Variants in DLG5 observed in about 807,000 individuals in gnomAD.
The protein encoded by DLG5 is disks large homolog 5.
DLG5 carries 48 observed loss-of-function variants against 189.8 expected under a neutral mutation model. The observed-to-expected ratio is 0.25, with a 90% confidence interval of 0.20 to 0.32. The LOEUF is 0.32. Ranked by LOEUF, DLG5 falls within the 10% of genes least tolerant of loss-of-function variation. DLG5 has a pLI of 1.00. For synonymous variants in DLG5, 1,016 were observed against 1,054.1 expected (o/e 0.96, Z 0.70); for missense variants, 2,160 against 2,544.7 (o/e 0.85, Z 3.25).
the DLG5 span, among the ~76,000 whole-genome samples, chr10:77,939,889 A>C: frequency 1.3e-5 from 2 of 152,158 alleles, no homozygotes; most frequent in Non-Finnish European, 2.9e-5. Context: ...GGCCATGAAG[A>C]CCTCTGAGAC....
intron 15 of DLG5, 171 bp from the exon 16 acceptor site, chr10:77,820,189 T>C: frequency 1.2e-6 from 1 of 843,990 alleles, no homozygotes; most frequent in South Asian, 1.8e-5. Flanking sequence ...CTACCAAAAA[T>C]ACAAAAATTA....
intron 1 of DLG5, among the ~76,000 whole-genome samples, chr10:77,917,560 C>T (rs1278208436): frequency 6.7e-6 from 1 of 149,926 alleles, no homozygotes; most frequent in Non-Finnish European, 1.5e-5. Flanking sequence ...GAGAGAAAGA[C>T]AGCAAGAAAG....
intron 24 of DLG5, 159 bp from the exon 25 acceptor site, chr10:77,808,103 G>T: frequency 1.2e-6 from 1 of 862,022 alleles, no homozygotes; most frequent in Non-Finnish European, 1.7e-6. Flanking sequence ...AGTCTTCATG[G>T]TCTCCCCAGT....
chr10:77,921,488 C>T (rs981084289), intron 1 of DLG5, among the ~76,000 whole-genome samples: 1 of 152,216 alleles, frequency 6.6e-6, no homozygotes, highest in African/African-American at 2.4e-5. Context: ...GTGTACAATG[C>T]CTAAATTCAA....
intron 1 of DLG5, among the ~76,000 whole-genome samples, chr10:77,912,958 A>G (rs1846265548): frequency 1.3e-5 from 2 of 152,224 alleles, no homozygotes; most frequent in South Asian, 4.1e-4. Flanking sequence ...AGGAGCCTCA[A>G]GAAGGCCACA....
At chr10:77,901,686 G>A (rs1021540536) in intron 1 of DLG5, among the ~76,000 whole-genome samples, 2 of 152,222 alleles carry the variant, frequency 1.3e-5, no homozygotes, top group African/African-American at 4.8e-5. Context: ...ACAGGATGCA[G>A]CAACCCCTGG....
chr10:77,826,988 C>T (rs1330978682), intron 13 of DLG5, among the ~76,000 whole-genome samples: 2 of 152,080 alleles, frequency 1.3e-5, no homozygotes, highest in African/African-American at 4.8e-5. Flanking sequence ...GCAAGATGAG[C>T]AACTGAGTAT....
At chr10:77,832,428 G>A (rs974013658) in intron 9 of DLG5, among the ~76,000 whole-genome samples, 13 of 152,216 alleles carry the variant, frequency 8.5e-5, no homozygotes, top group African/African-American at 2.7e-4. Context: ...CCCCAGGGCC[G>A]CACCTTTGCC....
intron 7 of DLG5, among the ~76,000 whole-genome samples, chr10:77,836,455 C>T (rs1444420799): frequency 1.3e-5 from 2 of 152,146 alleles, no homozygotes; most frequent in Non-Finnish European, 2.9e-5. Context: ...AGCACGACAG[C>T]AGAGGCGCTG....
In DLG5 at chr10:77,819,330, A is replaced by T; in HGVS notation, c.3662T>A (p.Leu1221Ter). Residue 1221 changes from leucine to a stop codon, truncating the protein, a stop_gained, in exon 17 of 32, where the codon TTG becomes TAG. Coordinates refer to ENST00000372391, the MANE Select transcript of DLG5 (RefSeq NM_004747.4). LOFTEE classifies it high-confidence loss of function. ...GGGTGCCTTCACATACCTGGGATGC[A>T]AACCCTGGGGGCCAGCATCTCGGGC... is the stretch of plus-strand genomic sequence containing the variant. ...PAARDAGPQG[L>*]HPSVQHQGRL... The T allele has an allele frequency of 6.2e-7, 1 of 1,613,970 alleles. No individual in the cohort carries two copies. The highest frequency in any genetic ancestry group is 8.5e-7 in the Non-Finnish European group (1 of 1,179,996).
At chr10:77,935,125 G>A in the DLG5 span, among the ~76,000 whole-genome samples, 268 of 152,062 alleles carry the variant, frequency 1.8e-3, 2 homozygotes, top group African/African-American at 6.1e-3. Flanking sequence ...CAAAGTGCTG[G>A]GATTACAGGC....
chr10:77,892,249 T>C (rs1234444181), intron 1 of DLG5, among the ~76,000 whole-genome samples: 8 of 152,168 alleles, frequency 5.3e-5, no homozygotes, highest in Non-Finnish European at 1.2e-4. Flanking sequence ...TAAGCAGCCT[T>C]TTGGCACAGG....
At chr10:77,877,709 C>G (rs1216746213) in intron 1 of DLG5, among the ~76,000 whole-genome samples, 1 of 152,120 alleles carries the variant, frequency 6.6e-6, no homozygotes, top group Non-Finnish European at 1.5e-5. Flanking sequence ...AGTTCTGCAC[C>G]TAAAAGGCAC....
chr10:77,910,929 A>G (rs2131834564), intron 1 of DLG5, among the ~76,000 whole-genome samples: 1 of 148,978 alleles, frequency 6.7e-6, no homozygotes, highest in Admixed American at 6.8e-5. Flanking sequence ...CTGAGACTGC[A>G]CCACTGCACT....
At position 77,792,448 on chromosome 10, in the gene DLG5, G is replaced by C; in HGVS notation, c.5752C>G (p.Pro1918Ala). ...CACAGCACAGCATTCTCCTAGAGCG[G>C]GCAGGCTGGAATCCACAGGACTTTA... ...QNKVLWIPAC[P>A]L The change falls in exon 32 of 32, where the codon CCG (proline) becomes GCG (alanine). Residue 1918 changes from proline (P) to alanine (A), a missense_variant. By Grantham distance (27) the Pro-to-Ala change is conservative. Transcript: ENST00000372391. The C allele has an allele frequency of 6.2e-7, 1 of 1,614,158 alleles. No individual in the cohort carries two copies. Among genetic ancestry groups the C allele is most frequent in the Non-Finnish European group, 8.5e-7 (1 of 1,179,978 alleles).
chr10:77,813,952 G>A (rs1736543937), intron 20 of DLG5, among the ~76,000 whole-genome samples: 1 of 152,174 alleles, frequency 6.6e-6, no homozygotes, highest in Non-Finnish European at 1.5e-5. Context: ...GGTGTCTCCA[G>A]TTGAGGGGAT....
At position 77,806,891 on chromosome 10, in the gene DLG5, A is replaced by T; in HGVS notation, c.4834T>A (p.Leu1612Met). ...AGGATGTCGTCCTTCTTAAAGCTCA[A>T]CTCTTGCTCCACATCTGCCAGCCGG... ...YDRLADVEQE[L>M]SFKKDDILYV... The change falls in exon 26 of 32, where the codon TTG becomes ATG. Residue 1612 changes from leucine to methionine, a missense_variant. By Grantham distance (15) the Leu-to-Met change is conservative. Coordinates refer to ENST00000372391, the MANE Select transcript of DLG5 (RefSeq NM_004747.4). 6.2e-7 allele frequency: 1 copy of T among 1,613,544 alleles called. No individual in the cohort carries two copies. Among genetic ancestry groups the T allele is most frequent in the South Asian group, 1.1e-5 (1 of 91,052 alleles).
chr10:77,875,426 C>T (rs1321154020), intron 1 of DLG5, among the ~76,000 whole-genome samples: 1 of 152,120 alleles, frequency 6.6e-6, no homozygotes, highest in African/African-American at 2.4e-5. Context: ...AATGGGCTCA[C>T]CTCCTCCCTG....
chr10:77,856,677 G>C, intron 3 of DLG5, 53 bp downstream of exon 3: 3 of 1,588,102 alleles, frequency 1.9e-6, no homozygotes, highest in Non-Finnish European at 2.6e-6. Flanking sequence ...ACCAGCATCG[G>C]GGTAGTAATC....
Sources: allele counts gnomAD v4.1 joint callset (sites outside exome capture counted in the v4.1 genomes callset), GRCh38; gene constraint gnomAD v4.1.1; transcripts MANE v1.5; gene names NCBI Gene and HGNC (gene_info 2026-07-23, HGNC 2026-07-21).